The following PPP1R1C variants were observed in gnomAD, a reference collection of about 807,000 sequenced individuals.
PPP1R1C encodes the protein protein phosphatase 1 regulatory inhibitor subunit 1C.
PPP1R1C carries 15 observed loss-of-function variants against 17.4 expected under a neutral mutation model. That is an observed-to-expected ratio of 0.86 (90% CI 0.58 to 1.33). The LOEUF (loss-of-function observed/expected upper bound fraction) is 1.33, where lower values mean the gene tolerates loss of function less well. Ranked by LOEUF, PPP1R1C falls within the 40% of genes most tolerant of loss-of-function variation. PPP1R1C has a pLI of 0.00. For synonymous variants in PPP1R1C, 35 were observed against 43.1 expected, an observed-to-expected ratio of 0.81 and a Z score of 0.73; for missense variants, 143 against 130.0, an observed-to-expected ratio of 1.10 and a Z score of -0.48.
intron 4 of PPP1R1C, among the ~76,000 whole-genome samples, chr2:182,080,505 A>G (rs1028761119): frequency 2.0e-5 from 3 of 152,222 alleles, no homozygotes; most frequent in Non-Finnish European, 4.4e-5. Context: ...GCTTTCTTTA[A>G]CATTCACCCA....
chr2:182,119,054 C>A (rs892103225), downstream of PPP1R1C, among the ~76,000 whole-genome samples: 18 of 151,998 alleles, frequency 1.2e-4, no homozygotes, highest in African/African-American at 3.1e-4. Flanking sequence ...TCCCTCCCCC[C>A]ACCACCCACC....
At chr2:181,960,093 T>C (rs1012910904) in intron 1 of PPP1R1C, among the ~76,000 whole-genome samples, 1 of 152,200 alleles carries the variant, frequency 6.6e-6, no homozygotes, top group African/African-American at 2.4e-5. Flanking sequence ...GTATAAAGCA[T>C]CTGCCCTCGA....
At chr2:182,031,589 C>T (rs1559064490) in intron 2 of PPP1R1C, among the ~76,000 whole-genome samples, 1 of 152,100 alleles carries the variant, frequency 6.6e-6, no homozygotes, top group African/African-American at 2.4e-5. Flanking sequence ...AATCAAAAGC[C>T]TTGCTGTAAT....
intron 1 of PPP1R1C, among the ~76,000 whole-genome samples, chr2:181,972,447 G>T (rs1685026927): frequency 6.6e-6 from 1 of 151,862 alleles, no homozygotes; most frequent in African/African-American, 2.4e-5. Flanking sequence ...CAATAAACGT[G>T]TATTCATCCA....
chr2:181,985,659 G>A (rs1318203815), upstream of PPP1R1C, among the ~76,000 whole-genome samples: 8 of 152,116 alleles, frequency 5.3e-5, no homozygotes, highest in Non-Finnish European at 1.2e-4. The surrounding 1 kb of genome is among the most constrained non-coding windows in gnomAD (Gnocchi z 4.1). Flanking sequence ...CATCAATAAT[G>A]AATGGCCCAT....
chr2:181,956,257 C>T (rs1017747261), intron 1 of PPP1R1C, among the ~76,000 whole-genome samples: 4 of 152,288 alleles, frequency 2.6e-5, no homozygotes, highest in Admixed American at 1.3e-4. Context: ...CATAGTATTC[C>T]ATGGTGTATA....
chr2:182,051,507 T>TTA (rs1265095536), intron 2 of PPP1R1C, among the ~76,000 whole-genome samples: 2 of 152,166 alleles, frequency 1.3e-5, no homozygotes, highest in Non-Finnish European at 2.9e-5. Context: ...GTATTTCCAT[T>TTA]GATAGACATT....
chr2:182,063,180 C>T (rs1369303952), intron 3 of PPP1R1C, among the ~76,000 whole-genome samples: 1 of 151,852 alleles, frequency 6.6e-6, no homozygotes, highest in African/African-American at 2.4e-5. Context: ...TAGGAAAGGA[C>T]TTATCTTTTT....
chr2:182,113,738 T>C (rs1337664763), intron 4 of PPP1R1C, among the ~76,000 whole-genome samples: 1 of 152,186 alleles, frequency 6.6e-6, no homozygotes, highest in African/African-American at 2.4e-5. Context: ...CTTAATTGCT[T>C]AGACCATCAT....
At chr2:181,990,148 CT>C (rs71008204) in intron 2 of PPP1R1C, among the ~76,000 whole-genome samples, 7 of 148,618 alleles carry the variant, frequency 4.7e-5, no homozygotes, top group East Asian at 2.0e-4. Flanking sequence ...TCTTTTCTTT[CT>C]TTTTTTTTTG....
At chr2:182,097,760 G>A (rs148588452) in intron 4 of PPP1R1C, among the ~76,000 whole-genome samples, 44 of 152,274 alleles carry the variant, frequency 2.9e-4, no homozygotes, top group African/African-American at 1.0e-3. Flanking sequence ...ATAAAACCTA[G>A]ATTATGATTC....
intron 4 of PPP1R1C, among the ~76,000 whole-genome samples, chr2:182,097,415 C>T (rs931352486): frequency 3.9e-5 from 6 of 152,146 alleles, no homozygotes; most frequent in Admixed American, 1.3e-4. Context: ...TATTGGGAAT[C>T]GCTTCTGTAT....
chr2:182,056,975 C>A (rs1687701951), intron 2 of PPP1R1C, among the ~76,000 whole-genome samples: 1 of 152,088 alleles, frequency 6.6e-6, no homozygotes, highest in Non-Finnish European at 1.5e-5. Flanking sequence ...GTAATGGATT[C>A]TGCCTTAAAA....
chr2:182,053,203 C>T (rs1054467262), intron 2 of PPP1R1C, among the ~76,000 whole-genome samples: 5 of 152,120 alleles, frequency 3.3e-5, no homozygotes, highest in African/African-American at 9.7e-5. Flanking sequence ...CTGCAGTTTC[C>T]TCCATCTTCC....
chr2:182,049,551 A>G (rs16822412), intron 2 of PPP1R1C, among the ~76,000 whole-genome samples: 27,080 of 151,942 alleles, frequency 0.18, 2,642 homozygotes, highest in South Asian at 0.28. Flanking sequence ...CTGGGATACT[A>G]TTCAACTTAT....
At chr2:182,071,728 T>C (rs1688145644) in intron 4 of PPP1R1C, among the ~76,000 whole-genome samples, 1 of 152,240 alleles carries the variant, frequency 6.6e-6, no homozygotes, top group Non-Finnish European at 1.5e-5. Context: ...TTCATCATTA[T>C]GGACACATGG....
upstream of PPP1R1C, among the ~76,000 whole-genome samples, chr2:181,984,249 C>T (rs1012336431): frequency 6.6e-6 from 1 of 152,174 alleles, no homozygotes; most frequent in African/African-American, 2.4e-5. Context: ...GAAAGTTCTC[C>T]TACTGCCCAA....
chr2:181,977,015 G>A (rs570687937), intron 2 of PPP1R1C, among the ~76,000 whole-genome samples: 3 of 151,754 alleles, frequency 2.0e-5, no homozygotes, highest in South Asian at 4.2e-4. Flanking sequence ...ACACATGCCT[G>A]TAATCCCAGC....
intron 4 of PPP1R1C, among the ~76,000 whole-genome samples, chr2:182,105,800 G>A (rs1298494143): frequency 6.6e-6 from 1 of 152,154 alleles, no homozygotes; most frequent in Non-Finnish European, 1.5e-5. Flanking sequence ...ATGGTATTGG[G>A]GAGGATGGGG....
Sources: gnomAD v4.1 joint callset for allele counts (sites outside exome capture counted in the v4.1 genomes callset) on GRCh38, gnomAD v4.1.1 for gene constraint, Gnocchi (gnomAD v3.1) non-coding constraint, MANE v1.5 for transcripts, NCBI Gene and HGNC (gene_info 2026-07-23, HGNC 2026-07-21) for gene names.